The following LINGO2 variants were observed in gnomAD, a reference collection of about 807,000 sequenced individuals.
The protein encoded by LINGO2 is leucine rich repeat and Ig domain containing 2, also known as leucine-rich repeat and immunoglobulin-like domain-containing nogo receptor-interacting protein 2.
LINGO2 carries 14 observed loss-of-function variants against 30.6 expected under a neutral mutation model. The ratio of observed to expected loss-of-function variants is 0.46; its 90% CI spans 0.30 to 0.72. The LOEUF (loss-of-function observed/expected upper bound fraction) is 0.72. Ranked by LOEUF, LINGO2 falls within the 30% of genes least tolerant of loss-of-function variation. The pLI is 0.07. For missense variants in LINGO2, 729 were observed against 751.7 expected (o/e 0.97, Z 0.35); for synonymous variants, 317 against 288.5 (o/e 1.10, Z -1.00).
At chr9:27,952,196 C>A (rs1479249775) in intron 5 of LINGO2, among the ~76,000 whole-genome samples, 1 of 151,940 alleles carries the variant, frequency 6.6e-6, no homozygotes, top group African/African-American at 2.4e-5. Flanking sequence ...ATTTTCTTGT[C>A]TACACAAACC....
chr9:28,343,061 G>C (rs1434149005), intron 3 of LINGO2, among the ~76,000 whole-genome samples: 1 of 152,034 alleles, frequency 6.6e-6, no homozygotes, highest in African/African-American at 2.4e-5. Flanking sequence ...TTTCCATATG[G>C]TCATTTTATA....
chr9:28,506,399 CATATATATATAT>C (rs371821368), intron 1 of LINGO2, among the ~76,000 whole-genome samples: 4,712 of 25,992 alleles, frequency 0.18, 346 homozygotes, highest in African/African-American at 0.25. Flanking sequence ...GCTTCTTAGA[CATATATATATAT>C]ATATATATAT....
At chr9:29,137,854 G>T in the LINGO2 span, among the ~76,000 whole-genome samples, 1 of 151,950 alleles carries the variant, frequency 6.6e-6, no homozygotes, top group Admixed American at 6.6e-5. Context: ...GCAAGGTATT[G>T]AAACTATCTG....
the LINGO2 span, among the ~76,000 whole-genome samples, chr9:29,133,581 C>G: frequency 6.6e-6 from 1 of 152,050 alleles, no homozygotes; most frequent in Non-Finnish European, 1.5e-5. Flanking sequence ...TTCCTGACCC[C>G]TAGTCCATCA....
chr9:28,201,711 A>C (rs1457649094), intron 4 of LINGO2, among the ~76,000 whole-genome samples: 2 of 152,062 alleles, frequency 1.3e-5, no homozygotes, highest in Non-Finnish European at 2.9e-5. Flanking sequence ...TAAAAGTGTT[A>C]TAATGCCATT....
chr9:28,630,624 C>A (rs1351679211), intron 1 of LINGO2, among the ~76,000 whole-genome samples: 1 of 152,034 alleles, frequency 6.6e-6, no homozygotes, highest in Non-Finnish European at 1.5e-5. Context: ...TACAGGGAGG[C>A]TTCTAATGCT....
the LINGO2 span, among the ~76,000 whole-genome samples, chr9:28,709,103 CT>C: frequency 7.2e-5 from 11 of 152,140 alleles, no homozygotes; most frequent in African/African-American, 2.6e-4. Context: ...TGAAAAATAC[CT>C]TGTTCCTGTT....
chr9:29,057,917 T>TA, the LINGO2 span, among the ~76,000 whole-genome samples: 13 of 152,218 alleles, frequency 8.5e-5, no homozygotes, highest in East Asian at 1.9e-4. Context: ...TCTGTCCTAA[T>TA]AGAGTTCAAC....
At chr9:28,931,440 C>G in the LINGO2 span, among the ~76,000 whole-genome samples, 3 of 152,168 alleles carry the variant, frequency 2.0e-5, no homozygotes, top group Non-Finnish European at 4.4e-5. Context: ...TTCTCTGGTA[C>G]TGAGTTACTC....
At chr9:27,960,985 G>A (rs184451723) in intron 5 of LINGO2, among the ~76,000 whole-genome samples, 66 of 152,048 alleles carry the variant, frequency 4.3e-4, no homozygotes, top group Admixed American at 3.0e-3. Flanking sequence ...TATAATGGTC[G>A]ATTTATAATT....
At chr9:28,421,754 T>C (rs35051559) in intron 2 of LINGO2, among the ~76,000 whole-genome samples, 44,671 of 151,984 alleles carry the variant, frequency 0.29, 7,700 homozygotes, top group Non-Finnish European at 0.38. Flanking sequence ...ACCCATGTTG[T>C]TCAAGGGTCA....
the LINGO2 span, among the ~76,000 whole-genome samples, chr9:28,992,160 G>A: frequency 6.6e-6 from 1 of 151,846 alleles, no homozygotes. Context: ...AAAATAAAAG[G>A]ATGGAGGAAG....
At chr9:28,529,188 T>C (rs1564269005) in intron 1 of LINGO2, among the ~76,000 whole-genome samples, 1 of 152,274 alleles carries the variant, frequency 6.6e-6, no homozygotes, top group Admixed American at 6.5e-5. Flanking sequence ...GGCAGAGTTA[T>C]GGGAAAGTGA....
intron 2 of LINGO2, among the ~76,000 whole-genome samples, chr9:28,397,541 G>GTTT (rs1298977559): frequency 1.6e-5 from 2 of 127,346 alleles, no homozygotes; most frequent in Admixed American, 7.6e-5. Flanking sequence ...TACAATAGAT[G>GTTT]TCTTTTTTTT....
Position 28,148,273 on chromosome 9 carries a change from C to A in LINGO2, c.-86-135868G>T. The stretch of plus-strand genomic sequence containing the variant: ...CACAGAGGGTCCTGTCTCCTGTGGT[C>A]TGGAGCCCCGCCTCAAGGAAGAAAC... On this transcript the variant is annotated intron_variant, in intron 4 of 5. Coordinates refer to ENST00000379992, the Ensembl canonical transcript of LINGO2. The surrounding 1 kb of genome is among the most constrained non-coding windows in gnomAD (Gnocchi z 5.1). 1 of 777,478 alleles carries A rather than the reference C, an allele frequency of 1.3e-6. No individual in the cohort carries two copies. The highest frequency in any genetic ancestry group is 1.6e-5 in the South Asian group (1 of 61,886). The allele number at this position is 777,478 out of a possible 1,614,324, so 48.2% of individuals were successfully genotyped here.
chr9:28,825,378 G>T, the LINGO2 span, among the ~76,000 whole-genome samples: 1 of 151,822 alleles, frequency 6.6e-6, no homozygotes, highest in Admixed American at 6.6e-5. Flanking sequence ...AAGTCTGTGA[G>T]TCAGGAATTC....
At chr9:28,271,661 A>G (rs925698130) in intron 4 of LINGO2, among the ~76,000 whole-genome samples, 1 of 152,146 alleles carries the variant, frequency 6.6e-6, no homozygotes, top group Non-Finnish European at 1.5e-5. Context: ...GGGCCAATAA[A>G]TAGACCAAGG....
At chr9:29,140,784 T>C in the LINGO2 span, among the ~76,000 whole-genome samples, 1 of 151,788 alleles carries the variant, frequency 6.6e-6, no homozygotes, top group African/African-American at 2.4e-5. Flanking sequence ...GAAGGGAAAA[T>C]TGACTCTTCA....
At chr9:28,525,992 C>CT (rs1821014458) in intron 1 of LINGO2, among the ~76,000 whole-genome samples, 1 of 137,850 alleles carries the variant, frequency 7.3e-6, no homozygotes, top group South Asian at 2.3e-4. Flanking sequence ...GGAGGCAGAG[C>CT]TTCCAGTGAG....
Sources: allele counts gnomAD v4.1 joint callset (sites outside exome capture counted in the v4.1 genomes callset), GRCh38; gene constraint gnomAD v4.1.1; non-coding constraint Gnocchi (gnomAD v3.1); transcripts MANE v1.5; gene names NCBI Gene and HGNC (gene_info 2026-07-23, HGNC 2026-07-21).